Variants in SPIRE1 observed in about 807,000 individuals in gnomAD.
SPIRE1 encodes protein spire homolog 1.
A neutral mutation model predicts 94.1 loss-of-function variants in SPIRE1; 40 were observed. That is an observed-to-expected ratio of 0.43 (90% confidence interval 0.33 to 0.55). The LOEUF is 0.55. Ranked by LOEUF, SPIRE1 falls within the 20% of genes least tolerant of loss-of-function variation. SPIRE1 has a pLI of 0.06. For missense variants in SPIRE1, 838 were observed against 975.2 expected (o/e 0.86, Z 1.87); for synonymous variants, 376 against 371.7 (o/e 1.01, Z -0.13).
In SPIRE1 at chr18:12,449,474, G is replaced by A. The variant is rs571645120; in HGVS notation, c.*164C>T. On this transcript the variant is annotated 3_prime_UTR_variant, in exon 17 of 17. Transcript: ENST00000409402. ...CCTGTCACGTTTCATCAATCGATAC[G>A]AACACAGCATTCAGTCTGTGGAACA... The A allele has an allele frequency of 1.8e-4, 129 of 713,834 alleles. No individual in the cohort carries two copies. The African/African-American group carries it at 1.9e-3, about 10-fold the overall frequency. The allele number at this position is 713,834 out of a possible 1,614,324, so 44.2% of individuals were successfully genotyped here.
intron 1 of SPIRE1, among the ~76,000 whole-genome samples, chr18:12,654,509 T>C (rs2038478830): frequency 6.7e-6 from 1 of 150,232 alleles, no homozygotes; most frequent in Non-Finnish European, 1.5e-5. Flanking sequence ...TAGCCAGGCA[T>C]GGTGGCAGGC....
chr18:12,525,733 A>C (rs2034502273), intron 4 of SPIRE1, among the ~76,000 whole-genome samples: 1 of 152,170 alleles, frequency 6.6e-6, no homozygotes, highest in African/African-American at 2.4e-5. Context: ...CAGATTTACC[A>C]AGATTTCTGT....
At chr18:12,452,751 G>T (rs1030269041) in intron 14 of SPIRE1, 22 of 606,496 alleles carry the variant, frequency 3.6e-5, no homozygotes, top group Middle Eastern at 4.3e-4. Context: ...TTTCTTATTT[G>T]TCTATCCAGG....
intron 2 of SPIRE1, among the ~76,000 whole-genome samples, chr18:12,628,182 G>T (rs7504857): frequency 0.56 from 85,069 of 151,994 alleles, 24,970 homozygotes; most frequent in Middle Eastern, 0.76. Flanking sequence ...TTTTTATAGC[G>T]TTAGGTCTAA....
intron 3 of SPIRE1, among the ~76,000 whole-genome samples, chr18:12,539,662 C>T (rs1418464982): frequency 6.6e-6 from 1 of 151,908 alleles, no homozygotes; most frequent in African/African-American, 2.4e-5. Context: ...AGTGTGGTGG[C>T]TCACACCTGT....
intron 6 of SPIRE1, 66 bp downstream of exon 6, chr18:12,506,411 G>A (rs779925263): frequency 5.9e-5 from 84 of 1,435,106 alleles, no homozygotes; most frequent in Non-Finnish European, 6.3e-5. Context: ...CACCTGCCTC[G>A]ACCTCCCAAA....
At chr18:12,624,560 A>C (rs2037567759) in intron 2 of SPIRE1, among the ~76,000 whole-genome samples, 1 of 150,202 alleles carries the variant, frequency 6.7e-6, no homozygotes. Context: ...AAAAAAAAAA[A>C]ATCTACATAC....
intron 2 of SPIRE1, among the ~76,000 whole-genome samples, chr18:12,618,230 T>C (rs974008547): frequency 2.0e-5 from 3 of 152,080 alleles, no homozygotes; most frequent in Middle Eastern, 3.4e-3. Flanking sequence ...GCCTCCCGAG[T>C]AGCTGGGACT....
At position 12,549,439 on chromosome 18, in the gene SPIRE1, G is replaced by GGTTT. The variant is rs2035275774; in HGVS notation, c.373-2536_373-2535insAAAC. Among the ~76,000 whole-genome samples the GGTTT allele has an allele frequency of 1.6e-3, 65 of 41,260 alleles. 1 individual carries two copies. The highest frequency in any genetic ancestry group is 2.1e-3 in the Non-Finnish European group (54 of 25,946). The allele number at this position is 41,260 out of a possible 152,430, so 27.1% of individuals were successfully genotyped here. On this transcript the variant is annotated intron_variant, in intron 2 of 16. Coordinates refer to ENST00000409402, the MANE Select transcript of SPIRE1 (RefSeq NM_001128626.2). ...CTTTTTGTTTGTTTTTGTTATTGTT[G>GGTTT]TTTTTTTTTTTTTTTTTTTTTTTTT...
At chr18:12,460,872 A>G (rs182513522) in intron 12 of SPIRE1, among the ~76,000 whole-genome samples, 1 of 152,172 alleles carries the variant, frequency 6.6e-6, no homozygotes, top group Non-Finnish European at 1.5e-5. Flanking sequence ...CATTACTACA[A>G]GGTATGATTT....
intron 1 of SPIRE1, among the ~76,000 whole-genome samples, chr18:12,648,707 T>C (rs1048522416): frequency 2.6e-5 from 4 of 151,848 alleles, no homozygotes; most frequent in Non-Finnish European, 5.9e-5. Context: ...CTGACCAACA[T>C]GGAGAAACTC....
chr18:12,510,240 T>C (rs925683034), intron 5 of SPIRE1, among the ~76,000 whole-genome samples: 8 of 151,930 alleles, frequency 5.3e-5, no homozygotes, highest in African/African-American at 1.7e-4. Context: ...CATAAAAAGG[T>C]ATGAGGAAAC....
chr18:12,657,819 C>T lies in SPIRE1; in HGVS notation c.48G>A (p.Glu16=), dbSNP rs899933615. 4.1e-6 allele frequency: 5 copies of T among 1,216,202 alleles called. No homozygotes were observed. Among genetic ancestry groups the T allele is most frequent in the Admixed American group, 4.4e-5 (1 of 22,780 alleles). 75.3% of individuals were successfully genotyped at this position (1,216,202 alleles called of 1,614,324 possible). The part of the protein sequence containing the change: ...GPAGGGEPRT[E]AVGGEGPREP... ...CCCGCGGCCCCTCGCCGCCCACTGCCTCAGTCCGCGGCTCCCCGCCGCCCG... is the reference window on the plus strand; with the variant it reads ...CCCGCGGCCCCTCGCCGCCCACTGCTTCAGTCCGCGGCTCCCCGCCGCCCG... The change falls in exon 1 of 17, where the codon GAG becomes GAA. Residue 16 remains glutamate, a synonymous_variant. Coordinates refer to ENST00000409402, the MANE Select transcript of SPIRE1 (RefSeq NM_001128626.2).
At chr18:12,580,991 C>T (rs1165865918) in intron 2 of SPIRE1, among the ~76,000 whole-genome samples, 1 of 152,144 alleles carries the variant, frequency 6.6e-6, no homozygotes, top group East Asian at 1.9e-4. Context: ...CCACTTATCC[C>T]CATGGGTGGA....
intron 2 of SPIRE1, among the ~76,000 whole-genome samples, chr18:12,614,453 T>C (rs887810984): frequency 3.3e-5 from 5 of 152,206 alleles, no homozygotes; most frequent in Non-Finnish European, 7.3e-5. Flanking sequence ...CAAGAAACTC[T>C]TTCCCTGGTT....
At chr18:12,494,572 G>C (rs2033368689) in intron 7 of SPIRE1, among the ~76,000 whole-genome samples, 1 of 151,888 alleles carries the variant, frequency 6.6e-6, no homozygotes, top group African/African-American at 2.4e-5. Flanking sequence ...GCTCACGCCT[G>C]TAATCCCAGC....
chr18:12,504,077 T>C (rs1433301837), intron 6 of SPIRE1, among the ~76,000 whole-genome samples: 1 of 147,810 alleles, frequency 6.8e-6, no homozygotes, highest in Non-Finnish European at 1.5e-5. Context: ...CTGAGCATCT[T>C]TAAATTTCAG....
upstream of SPIRE1, among the ~76,000 whole-genome samples, chr18:12,660,627 T>TA (rs2038678029): frequency 6.6e-6 from 1 of 152,102 alleles, no homozygotes; most frequent in Non-Finnish European, 1.5e-5. Context: ...GGCCAAAAGA[T>TA]ACATTCTTAA....
intron 5 of SPIRE1, among the ~76,000 whole-genome samples, chr18:12,508,856 A>G (rs2033929706): frequency 6.6e-6 from 1 of 152,038 alleles, no homozygotes; most frequent in Non-Finnish European, 1.5e-5. Flanking sequence ...TTGTATTTTC[A>G]GTAGACACAG....
Sources: gnomAD v4.1 joint callset for allele counts (sites outside exome capture counted in the v4.1 genomes callset) on GRCh38, gnomAD v4.1.1 for gene constraint, MANE v1.5 for transcripts, NCBI Gene and HGNC (gene_info 2026-07-23, HGNC 2026-07-21) for gene names.